The following APPL1 variants were observed in gnomAD, a reference collection of about 807,000 sequenced individuals.
APPL1 encodes the protein DCC-interacting protein 13-alpha.
In APPL1, 42 loss-of-function variants were observed where a neutral mutation model predicts 106.8. That is an observed-to-expected ratio of 0.39 (90% CI 0.31 to 0.51). APPL1 has a LOEUF of 0.51. Among genes scored for constraint, APPL1 ranks in the 20% least tolerant of loss-of-function variants. The pLI, the probability that APPL1 is intolerant of heterozygous loss-of-function variation, is 0.75. For synonymous variants in APPL1, 263 were observed against 281.8 expected (o/e 0.93, Z 0.67); for missense variants, 769 against 858.2 (o/e 0.90, Z 1.30).
In APPL1 at chr3:57,255,032, C is replaced by T. The variant is rs570477107; in HGVS notation, c.1152+1294C>T. Among the ~76,000 whole-genome samples, 35 of 152,320 alleles carry T rather than the reference C, an allele frequency of 2.3e-4. 1 individual carries two copies. The South Asian group carries it at 6.6e-3, about 29-fold the overall frequency. On this transcript the variant is annotated intron_variant, in intron 13 of 21. Coordinates refer to ENST00000288266, the MANE Select transcript of APPL1 (RefSeq NM_012096.3). The stretch of plus-strand genomic sequence containing the variant: ...ATTCAGTATGTCTGGGGTGATACAG[C>T]GTGAATTCCCAGTTTTGCAAATTAT...
At chr3:57,249,280 C>T in intron 10 of APPL1, 80 bp from the exon 11 acceptor site, 1 of 1,471,140 alleles carries the variant, frequency 6.8e-7, no homozygotes, top group Non-Finnish European at 9.4e-7. Flanking sequence ...TTCATTGTAA[C>T]ATGCTTTATC....
intron 21 of APPL1, chr3:57,269,200 G>C (rs1041398585): frequency 5.9e-6 from 1 of 169,822 alleles, no homozygotes; most frequent in African/African-American, 2.4e-5. Context: ...AAAAGGGCTG[G>C]AGAGGGGAAG....
At chr3:57,265,230 T>C (rs930198780) in intron 19 of APPL1, among the ~76,000 whole-genome samples, 1 of 152,020 alleles carries the variant, frequency 6.6e-6, no homozygotes, top group Non-Finnish European at 1.5e-5. Context: ...CTCACTGCAA[T>C]GTCTGCCTCC....
chr3:57,232,726 G>C (rs747578452), intron 1 of APPL1, among the ~76,000 whole-genome samples: 5 of 152,088 alleles, frequency 3.3e-5, no homozygotes, highest in Admixed American at 3.3e-4. Context: ...TCATGGGCCC[G>C]GTGCGGTGGC....
At chr3:57,253,154 G>A (rs1193567256) in intron 12 of APPL1, among the ~76,000 whole-genome samples, 2 of 152,010 alleles carry the variant, frequency 1.3e-5, no homozygotes, top group East Asian at 3.9e-4. Flanking sequence ...AGCAGAGATT[G>A]TTTTCTATGC....
chr3:57,235,126 G>A (rs2060709671), intron 1 of APPL1, among the ~76,000 whole-genome samples: 1 of 152,142 alleles, frequency 6.6e-6, no homozygotes, highest in African/African-American at 2.4e-5. Flanking sequence ...TGGGGAGGGT[G>A]TACTGTGGTA....
chr3:57,235,106 T>A (rs1378084726), intron 1 of APPL1, among the ~76,000 whole-genome samples: 1 of 151,878 alleles, frequency 6.6e-6, no homozygotes, highest in African/African-American at 2.4e-5. Flanking sequence ...TGCTGAAGAG[T>A]CGGCCATGTT....
intron 4 of APPL1, 29 bp from the exon 5 acceptor site, chr3:57,240,436 T>C: frequency 2.6e-6 from 4 of 1,552,862 alleles, no homozygotes; most frequent in Non-Finnish European, 3.6e-6. Flanking sequence ...TGTATAGTTA[T>C]TTGGCCTTTT....
At position 57,268,378 on chromosome 3, in the gene APPL1, T is replaced by A. The variant is rs2060909352; in HGVS notation, c.1894-20T>A. 5.3e-6 allele frequency: 8 copies of A among 1,511,156 alleles called. No individual in the cohort carries two copies. The highest frequency in any genetic ancestry group is 2.0e-5 in the Admixed American group (1 of 50,106). The allele number at this position is 1,511,156 out of a possible 1,614,324, so 93.6% of individuals were successfully genotyped here. ...GTTATTTCATATTTAATTCATTAGT[T>A]TTATTCATCTGTTCTTTAGGATCGT... On this transcript the variant is annotated intron_variant, in intron 20 of 21. Transcript: ENST00000288266.
intron 19 of APPL1, among the ~76,000 whole-genome samples, chr3:57,262,517 A>C (rs2060872312): frequency 7.3e-6 from 1 of 137,666 alleles, no homozygotes; most frequent in East Asian, 2.4e-4. Context: ...CTCAGCTCCC[A>C]AGTAGCTGGG....
At chr3:57,268,289 T>C (rs1192329968) in intron 20 of APPL1, 109 bp from the exon 21 acceptor site, 11 of 1,158,670 alleles carry the variant, frequency 9.5e-6, no homozygotes, top group Middle Eastern at 6.1e-4. Flanking sequence ...CTTTCTTATG[T>C]ATAAATGCAA....
chr3:57,233,474 T>C (rs2107595939), intron 1 of APPL1, among the ~76,000 whole-genome samples: 1 of 151,412 alleles, frequency 6.6e-6, no homozygotes, highest in East Asian at 1.9e-4. Flanking sequence ...GAATTGGAAT[T>C]ACCCATTTTT....
At chr3:57,260,594 A>G in intron 18 of APPL1, 34 bp from the exon 19 acceptor site, 1 of 1,584,056 alleles carries the variant, frequency 6.3e-7, no homozygotes, top group Non-Finnish European at 8.6e-7. Context: ...GACTTGTAAG[A>G]TCTCATGTTT....
At position 57,228,780 on chromosome 3, in the gene APPL1, C is replaced by G. The variant is rs1306616485; in HGVS notation, c.54+843C>G. On this transcript the variant is annotated intron_variant, in intron 1 of 21. Transcript: ENST00000288266. This position sits in a 1 kb window ranked among gnomAD's most constrained non-coding sequence, Gnocchi z 4.6. Reference sequence around the variant, plus strand: ...AACTTGCATAGGGAAAACTTCATCTCTAAGCCGTTTTACACGATAATTTAA... The same window carrying G: ...AACTTGCATAGGGAAAACTTCATCTGTAAGCCGTTTTACACGATAATTTAA... Among the ~76,000 whole-genome samples the G allele has an allele frequency of 6.6e-6, 1 of 152,244 alleles. No homozygotes were observed.
intron 15 of APPL1, 142 bp downstream of exon 15, chr3:57,257,570 G>A: frequency 1.4e-6 from 1 of 712,892 alleles, no homozygotes; most frequent in South Asian, 5.1e-5. Flanking sequence ...CATATTGTTA[G>A]GGAAGAACCA....
chr3:57,249,247 C>A, intron 10 of APPL1, 113 bp from the exon 11 acceptor site: 1 of 972,352 alleles, frequency 1.0e-6, no homozygotes. Flanking sequence ...TTCTTGGCAT[C>A]TTGGTGCCTC....
intron 9 of APPL1, 136 bp downstream of exon 9, chr3:57,247,613 A>G (rs1579389731): frequency 3.3e-6 from 2 of 606,406 alleles, no homozygotes; most frequent in East Asian, 3.0e-5. Context: ...TATGTGGTTC[A>G]TGGTTACTTC....
chr3:57,246,011 T>C lies in APPL1; in HGVS notation c.475-65T>C, dbSNP rs573006540. 3.4e-5 allele frequency: 42 copies of C among 1,221,214 alleles called. No homozygotes were observed. The South Asian group carries it at 7.5e-4, about 22-fold the overall frequency. 75.6% of individuals were successfully genotyped at this position (1,221,214 alleles called of 1,614,324 possible). A position where few individuals can be genotyped will look rare whatever the true frequency, so the allele number is the denominator to read the frequency against. Reference sequence around the variant, plus strand: ...TCTTCTCCACAGCTCCTACTGAAGATAATACAAAATTAAGTAAATAATAGC... The same window carrying C: ...TCTTCTCCACAGCTCCTACTGAAGACAATACAAAATTAAGTAAATAATAGC... On this transcript the variant is annotated intron_variant, in intron 7 of 21. Coordinates refer to ENST00000288266, the MANE Select transcript of APPL1 (RefSeq NM_012096.3).
chr3:57,231,338 C>CAAAAAA (rs71088043), intron 1 of APPL1, among the ~76,000 whole-genome samples: 8 of 72,204 alleles, frequency 1.1e-4, no homozygotes, highest in Admixed American at 2.0e-4. Context: ...GACTCCGTCT[C>CAAAAAA]AAAAAAAAAA....
Sources: allele counts gnomAD v4.1 joint callset (sites outside exome capture counted in the v4.1 genomes callset), GRCh38; gene constraint gnomAD v4.1.1; non-coding constraint Gnocchi (gnomAD v3.1); transcripts MANE v1.5; gene names NCBI Gene and HGNC (gene_info 2026-07-23, HGNC 2026-07-21).